Variants in DPP6 observed in about 807,000 individuals in gnomAD.
DPP6 encodes the protein dipeptidyl peptidase like 6.
Under a neutral mutation model 122.6 loss-of-function variants are expected in DPP6, and 69 were observed. That is an observed-to-expected ratio of 0.56 (90% CI 0.46 to 0.69). The LOEUF is 0.69. DPP6 is among the 30% of genes least tolerant of loss of function. The probability of loss-of-function intolerance (pLI) is 0.00; values close to 1 mark genes in which losing one functional copy is unlikely to be tolerated. For missense variants in DPP6, 928 were observed against 1,116.9 expected (o/e 0.83, Z 2.41); for synonymous variants, 418 against 433.1 (o/e 0.97, Z 0.43).
At chr7:154,820,743 T>C (rs1289094293) in intron 16 of DPP6, among the ~76,000 whole-genome samples, 5 of 151,916 alleles carry the variant, frequency 3.3e-5, no homozygotes, top group Admixed American at 2.0e-4. Flanking sequence ...GAAGGAGAGA[T>C]TGGGGAGAAG....
At chr7:154,711,574 A>C (rs1054854430) in intron 7 of DPP6, among the ~76,000 whole-genome samples, 3 of 152,222 alleles carry the variant, frequency 2.0e-5, no homozygotes, top group Non-Finnish European at 2.9e-5. Context: ...AATTGCATTA[A>C]ACAGTGTTGA....
At chr7:153,935,313 G>T (rs1223122524) in intron 1 of DPP6, among the ~76,000 whole-genome samples, 3 of 152,116 alleles carry the variant, frequency 2.0e-5, no homozygotes, top group African/African-American at 7.2e-5. Flanking sequence ...AGGGATGCCG[G>T]TCACCACACC....
the DPP6 span, among the ~76,000 whole-genome samples, chr7:153,853,921 A>G: frequency 7.3e-5 from 11 of 149,780 alleles, no homozygotes; most frequent in African/African-American, 2.7e-4. Flanking sequence ...GTCCTTGCCC[A>G]TGCCTATGTC....
At chr7:154,215,924 A>G (rs545726759) in intron 1 of DPP6, among the ~76,000 whole-genome samples, 1 of 152,156 alleles carries the variant, frequency 6.6e-6, no homozygotes, top group African/African-American at 2.4e-5. Context: ...CAACCAAACA[A>G]CAGCATGAAT....
intron 1 of DPP6, among the ~76,000 whole-genome samples, chr7:154,373,508 A>G (rs531955370): frequency 7.2e-5 from 11 of 152,268 alleles, no homozygotes; most frequent in African/African-American, 1.7e-4. Flanking sequence ...GGCCTTGCAA[A>G]TGGGCACAAT....
Position 154,441,023 on chromosome 7 carries a change from T to TA in DPP6, c.244-5190dup, listed in dbSNP as rs377096664. ...CCCTTTAGCTGCGTAAGGCCAGACT[T>TA]ACATTACATGAAACAAACACGTCAT... On this transcript the variant is annotated intron_variant, in intron 1 of 25. Coordinates refer to ENST00000377770, the MANE Select transcript of DPP6 (RefSeq NM_130797.4). Among the ~76,000 whole-genome samples the TA allele has an allele frequency of 4.7e-3, 714 of 152,304 alleles. 4 individuals are homozygous for TA. The highest frequency in any genetic ancestry group is 0.016 in the African/African-American group (670 of 41,566).
intron 6 of DPP6, among the ~76,000 whole-genome samples, chr7:154,652,259 A>T (rs970949472): frequency 2.7e-5 from 4 of 146,612 alleles, no homozygotes; most frequent in Non-Finnish European, 4.5e-5. Flanking sequence ...TTTTGCTCCA[A>T]AGGCGTTTTT....
chr7:153,984,551 C>A (rs1273553177), intron 1 of DPP6, among the ~76,000 whole-genome samples: 5 of 152,132 alleles, frequency 3.3e-5, no homozygotes, highest in Non-Finnish European at 5.9e-5. Context: ...AGGGGGAATT[C>A]TCTTATTTTT....
chr7:154,473,424 A>G (rs1216121204), intron 2 of DPP6, among the ~76,000 whole-genome samples: 2 of 152,154 alleles, frequency 1.3e-5, no homozygotes, highest in Non-Finnish European at 2.9e-5. Flanking sequence ...GAGTCACAGC[A>G]TTCTGTAATT....
chr7:154,078,816 A>G (rs1167560664), intron 1 of DPP6, among the ~76,000 whole-genome samples: 1 of 152,102 alleles, frequency 6.6e-6, no homozygotes, highest in Non-Finnish European at 1.5e-5. Context: ...TGGAGAAACA[A>G]ATTCATCCAA....
chr7:154,184,736 A>G (rs556643854), intron 1 of DPP6, among the ~76,000 whole-genome samples: 3 of 151,480 alleles, frequency 2.0e-5, no homozygotes, highest in Non-Finnish European at 4.4e-5. Flanking sequence ...AGAGATACAC[A>G]CATTATCTTA....
chr7:154,756,576 C>T (rs115214293), intron 8 of DPP6, among the ~76,000 whole-genome samples: 2,363 of 152,178 alleles, frequency 0.016, 58 homozygotes, highest in African/African-American at 0.053. Flanking sequence ...GGGGCAGGGC[C>T]GGATTTCAGC....
At position 154,591,015 on chromosome 7, in the gene DPP6, A is replaced by G. The variant is rs1832782058; in HGVS notation, c.627+24099A>G. On this transcript the variant is annotated intron_variant, in intron 5 of 25. Transcript: ENST00000377770. ...ACATGGCACTGTGCTGGGTTACAGT[A>G]GTGAGGGAAGCAAGCTTAGACTAGG... 2.6e-5 allele frequency among the ~76,000 whole-genome samples: 4 copies of G among 152,314 alleles called. No individual in the cohort carries two copies. In the South Asian group the frequency reaches 8.3e-4, roughly 32 times the overall value.
chr7:154,543,631 G>A (rs1228005445), intron 4 of DPP6, among the ~76,000 whole-genome samples: 1 of 152,226 alleles, frequency 6.6e-6, no homozygotes, highest in South Asian at 2.1e-4. Context: ...TACTAATTCA[G>A]TCATCCTTTA....
Position 154,516,549 on chromosome 7 carries a change from A to T in DPP6, c.458-23983A>T, listed in dbSNP as rs527300156. 3.3e-5 allele frequency among the ~76,000 whole-genome samples: 5 copies of T among 152,344 alleles called. No individual in the cohort carries two copies. The South Asian group carries it at 1.0e-3, about 32-fold the overall frequency. ...GCTGATTCCTACGAAAGAGGAAAAC[A>T]ACCAGGCAAATCTATCTGGGAAGCA... On this transcript the variant is annotated intron_variant, in intron 3 of 25. Coordinates refer to ENST00000377770, the MANE Select transcript of DPP6 (RefSeq NM_130797.4).
intron 13 of DPP6, among the ~76,000 whole-genome samples, chr7:154,802,251 C>CCT (rs1798414900): frequency 1.3e-5 from 2 of 152,080 alleles, no homozygotes; most frequent in Non-Finnish European, 2.9e-5. Context: ...ATGGCTATGA[C>CCT]ATAGAAGGCT....
chr7:154,298,268 C>CACACACACACACACACACA (rs1805671485), intron 1 of DPP6, among the ~76,000 whole-genome samples: 1 of 150,336 alleles, frequency 6.7e-6, no homozygotes, highest in Non-Finnish European at 1.5e-5. Context: ...CTCTCTCTCT[C>CACACACACACACACACACA]CACACACACA....
chr7:154,669,563 T>C (rs1174300402), intron 7 of DPP6, 122 bp downstream of exon 7: 2 of 1,281,178 alleles, frequency 1.6e-6, no homozygotes, highest in Non-Finnish European at 2.1e-6. Flanking sequence ...TGTGTGTGTG[T>C]GTGTAAATTA....
At position 154,241,474 on chromosome 7, in the gene DPP6, C is replaced by T. The variant is rs575923773; in HGVS notation, c.243+188411C>T. On this transcript the variant is annotated intron_variant, in intron 1 of 25. Coordinates refer to ENST00000377770, the MANE Select transcript of DPP6 (RefSeq NM_130797.4). This position sits in a 1 kb window ranked among gnomAD's most constrained non-coding sequence, Gnocchi z 9.0. ...ATTTGGGAGGCGGAGGCAGGAGAAT[C>T]GCTTGAACCCAGGAGAAGGAGGTTG... 1.8e-4 allele frequency among the ~76,000 whole-genome samples: 28 copies of T among 152,052 alleles called. No homozygotes were observed. In the East Asian group the frequency reaches 2.5e-3, roughly 14 times the overall value.
Sources: allele counts gnomAD v4.1 joint callset (sites outside exome capture counted in the v4.1 genomes callset), GRCh38; gene constraint gnomAD v4.1.1; non-coding constraint Gnocchi (gnomAD v3.1); transcripts MANE v1.5; gene names NCBI Gene and HGNC (gene_info 2026-07-23, HGNC 2026-07-21).